Variants in LRRC4C observed in about 807,000 individuals in gnomAD.
LRRC4C encodes leucine-rich repeat-containing protein 4C.
LRRC4C carries 5 observed loss-of-function variants against 33.6 expected under a neutral mutation model. The ratio of observed to expected loss-of-function variants is 0.15; its 90% confidence interval spans 0.08 to 0.31. The LOEUF (loss-of-function observed/expected upper bound fraction) is 0.31. LRRC4C is among the 10% of genes least tolerant of loss of function. The probability of loss-of-function intolerance (pLI) is 1.00; values close to 1 mark genes in which losing one functional copy is unlikely to be tolerated. For synonymous variants in LRRC4C, 329 were observed against 302.0 expected (o/e 1.09, Z -0.93); for missense variants, 560 against 796.7 (o/e 0.70, Z 3.58).
intron 1 of LRRC4C, among the ~76,000 whole-genome samples, chr11:41,133,359 A>G (rs143539906): frequency 3.8e-3 from 573 of 152,246 alleles, no homozygotes; most frequent in Non-Finnish European, 6.2e-3. Flanking sequence ...GCAAATAGAT[A>G]AAGGACCAAC....
chr11:40,237,113 C>T (rs1457891178), intron 5 of LRRC4C, among the ~76,000 whole-genome samples: 1 of 152,146 alleles, frequency 6.6e-6, no homozygotes, highest in Non-Finnish European at 1.5e-5. Flanking sequence ...CATCACAAGT[C>T]CATATTGCTG....
At chr11:41,100,438 G>T (rs663823) in intron 1 of LRRC4C, among the ~76,000 whole-genome samples, 4,965 of 152,056 alleles carry the variant, frequency 0.033, 285 homozygotes, top group African/African-American at 0.11. Flanking sequence ...GTGGTGGCAG[G>T]TGCCTGTAAT....
At chr11:40,597,823 AAAAGG>A (rs1959518132) in intron 3 of LRRC4C, among the ~76,000 whole-genome samples, 1 of 152,162 alleles carries the variant, frequency 6.6e-6, no homozygotes, top group Non-Finnish European at 1.5e-5. Context: ...TACAGTAACG[AAAAGG>A]GATTTGCAGT....
chr11:40,196,487 G>A (rs1862272740), intron 5 of LRRC4C, among the ~76,000 whole-genome samples: 1 of 152,240 alleles, frequency 6.6e-6, no homozygotes, highest in Non-Finnish European at 1.5e-5. Context: ...GTTTGTTACC[G>A]TAACCTGTAA....
chr11:40,633,395 C>CTTT (rs35352183), intron 3 of LRRC4C, among the ~76,000 whole-genome samples: 1,503 of 124,612 alleles, frequency 0.012, 50 homozygotes, highest in South Asian at 0.021. Context: ...TTCTTTCTTT[C>CTTT]TTTTTTTTTT....
At chr11:40,826,280 T>C (rs903656249) in intron 2 of LRRC4C, among the ~76,000 whole-genome samples, 13 of 152,074 alleles carry the variant, frequency 8.5e-5, no homozygotes, top group African/African-American at 3.1e-4. Flanking sequence ...TATTCTTTCC[T>C]TCTCTCTCTC....
intron 1 of LRRC4C, among the ~76,000 whole-genome samples, chr11:41,104,367 A>G (rs1211653272): frequency 6.6e-6 from 1 of 151,998 alleles, no homozygotes; most frequent in African/African-American, 2.4e-5. Flanking sequence ...CATATTCTCA[A>G]TATCACTACA....
intron 2 of LRRC4C, among the ~76,000 whole-genome samples, chr11:40,773,006 G>T (rs1026830178): frequency 6.6e-6 from 1 of 152,148 alleles, no homozygotes; most frequent in Non-Finnish European, 1.5e-5. Flanking sequence ...ACACAATGGA[G>T]TACCATTCAG....
At chr11:40,798,506 TA>T (rs1163731587) in intron 2 of LRRC4C, among the ~76,000 whole-genome samples, 1 of 152,212 alleles carries the variant, frequency 6.6e-6, no homozygotes, top group Admixed American at 6.5e-5. Flanking sequence ...TTATGTTGCC[TA>T]ATTTTAATAT....
chr11:40,843,201 C>T (rs534068491), intron 2 of LRRC4C, among the ~76,000 whole-genome samples: 3 of 152,104 alleles, frequency 2.0e-5, no homozygotes, highest in Non-Finnish European at 2.9e-5. Flanking sequence ...CATTAAGGGG[C>T]CAAGCAGCCA....
rs12420496 is a variant in LRRC4C at position 40,157,190 on chromosome 11, G to A, written c.-95-16337C>T. On this transcript the variant is annotated intron_variant, in intron 5 of 6. Coordinates refer to ENST00000528697, the MANE Select transcript of LRRC4C (RefSeq NM_001258419.2). ...ACACCCCTTCAACAAATGGTGCTGG[G>A]GTAATTGGCTAGTCACATGTAGGAG... 5.9e-5 allele frequency among the ~76,000 whole-genome samples: 9 copies of A among 152,204 alleles called. No individual in the cohort carries two copies. In the East Asian group the frequency reaches 1.7e-3, roughly 29 times the overall value.
At chr11:40,606,599 T>C (rs1052909861) in intron 3 of LRRC4C, among the ~76,000 whole-genome samples, 25 of 151,786 alleles carry the variant, frequency 1.6e-4, no homozygotes, top group Non-Finnish European at 1.5e-5. Context: ...TACATGACAA[T>C]TCAAAATAAC....
intron 2 of LRRC4C, among the ~76,000 whole-genome samples, chr11:40,657,653 C>T (rs1015448304): frequency 1.3e-5 from 2 of 152,164 alleles, no homozygotes; most frequent in Non-Finnish European, 2.9e-5. Context: ...TCAAGTTGTC[C>T]TGCCTTTCCA....
intron 3 of LRRC4C, among the ~76,000 whole-genome samples, chr11:40,610,410 C>T (rs1471801386): frequency 6.6e-6 from 1 of 151,794 alleles, no homozygotes; most frequent in Non-Finnish European, 1.5e-5. Context: ...CAGCTAACCT[C>T]ATACTCAATA....
intron 3 of LRRC4C, among the ~76,000 whole-genome samples, chr11:40,443,108 C>T (rs1951467912): frequency 6.6e-6 from 1 of 152,208 alleles, no homozygotes; most frequent in East Asian, 1.9e-4. Flanking sequence ...ATAAGAAGAG[C>T]TGGTTCAGTA....
intron 3 of LRRC4C, among the ~76,000 whole-genome samples, chr11:40,642,325 G>A (rs1942173738): frequency 2.0e-5 from 3 of 152,140 alleles, no homozygotes; most frequent in Admixed American, 2.0e-4. Flanking sequence ...TAAAGAAATA[G>A]GAAATGTGAC....
intron 1 of LRRC4C, among the ~76,000 whole-genome samples, chr11:41,115,180 A>G (rs1942050429): frequency 6.6e-6 from 1 of 152,140 alleles, no homozygotes; most frequent in East Asian, 1.9e-4. Context: ...AACAAACTGT[A>G]ACTACATTAC....
In LRRC4C at chr11:40,116,211, C is replaced by T; in HGVS notation, c.82G>A (p.Val28Met). Residue 28 changes from valine (V) to methionine (M), a missense_variant, in exon 7 of 7, where the codon GTG (valine) becomes ATG (methionine). This residue lies in a region of LRRC4C where 455 missense variants were observed against 643.8 expected (regional missense o/e 0.71). Transcript: ENST00000528697. ...FNRALFDPLL[V>M]VLLALQLLVV... Reference sequence around the variant, plus strand: ...AGAAGTTGAAGAGCCAGCAGCACCACAAGCAGGGGGTCAAATAGGGCCCTG... The same window carrying T: ...AGAAGTTGAAGAGCCAGCAGCACCATAAGCAGGGGGTCAAATAGGGCCCTG... The T allele has an allele frequency of 1.2e-6, 2 of 1,614,060 alleles. No homozygotes were observed. Among genetic ancestry groups the T allele is most frequent in the Non-Finnish European group, 1.7e-6 (2 of 1,180,012 alleles).
chr11:40,271,085 A>T (rs544621747), intron 4 of LRRC4C, among the ~76,000 whole-genome samples: 1 of 152,252 alleles, frequency 6.6e-6, no homozygotes, highest in Non-Finnish European at 1.5e-5. Context: ...ACACGAAAGG[A>T]TAGGATGTAC....
Sources: gnomAD v4.1 joint callset for allele counts (sites outside exome capture counted in the v4.1 genomes callset) on GRCh38, gnomAD v4.1.1 for gene constraint, gnomAD v4.1.1 regional missense constraint, MANE v1.5 for transcripts, NCBI Gene and HGNC (gene_info 2026-07-23, HGNC 2026-07-21) for gene names.